Variants in RFX2 observed in about 807,000 individuals in gnomAD.
RFX2 encodes the protein DNA-binding protein RFX2.
A neutral mutation model predicts 87.8 loss-of-function variants in RFX2; 20 were observed. The observed-to-expected ratio is 0.23, with a 90% CI of 0.16 to 0.33. RFX2 has a LOEUF of 0.33. Among genes scored for constraint, RFX2 ranks in the 10% least tolerant of loss-of-function variants. The pLI, the probability that RFX2 is intolerant of heterozygous loss-of-function variation, is 1.00. For missense variants in RFX2, 767 were observed against 1,012.3 expected (o/e 0.76, Z 3.29); for synonymous variants, 397 against 431.3 (o/e 0.92, Z 0.98).
In RFX2 at chr19:6,105,554, G is replaced by C. The variant is rs760314316; in HGVS notation, c.-9+4839C>G. Among the ~76,000 whole-genome samples, 80 of 152,102 alleles carry C rather than the reference G, an allele frequency of 5.3e-4. 1 individual carries two copies. The highest frequency in any genetic ancestry group is 1.6e-4 in the Non-Finnish European group (11 of 68,008). On this transcript the variant is annotated intron_variant, in intron 1 of 17. Transcript: ENST00000303657. ...GCCATCGGAGGGTTTCGAGCTGAGG[G>C]GTATGAAGTAGAACTTAACATGACG...
chr19:6,003,461 C>G (rs1018123809), intron 13 of RFX2, among the ~76,000 whole-genome samples: 1 of 152,082 alleles, frequency 6.6e-6, no homozygotes, highest in Non-Finnish European at 1.5e-5. Flanking sequence ...GCTGCCTCCT[C>G]TCACCCAAGA....
chr19:5,994,398 G>A lies in RFX2; in HGVS notation c.*437C>T, dbSNP rs779942746. ...GGTGGCAGGTAGGAGGGGAGAGGCC[G>A]TCCCTTTCTAGTCGGGCTCTGCCAG... is the stretch of plus-strand genomic sequence containing the variant. On this transcript the variant is annotated 3_prime_UTR_variant, in exon 18 of 18. Coordinates refer to ENST00000303657, the MANE Select transcript of RFX2 (RefSeq NM_000635.4). 1.1e-4 allele frequency: 17 copies of A among 155,922 alleles called. No homozygotes were observed. Among genetic ancestry groups the A allele is most frequent in the Non-Finnish European group, 2.8e-5 (2 of 70,284 alleles). 9.7% of individuals were successfully genotyped at this position (155,922 alleles called of 1,614,324 possible).
intron 5 of RFX2, among the ~76,000 whole-genome samples, chr19:6,033,147 C>T (rs867534432): frequency 1.3e-4 from 20 of 152,256 alleles, no homozygotes; most frequent in Admixed American, 3.9e-4. Context: ...TCAGCAGGAC[C>T]GATTCTTACA....
intron 1 of RFX2, among the ~76,000 whole-genome samples, chr19:6,108,150 G>A (rs2088249691): frequency 6.6e-6 from 1 of 152,202 alleles, no homozygotes; most frequent in South Asian, 2.1e-4. Flanking sequence ...ACAGAACAGT[G>A]ATCTTTCCCA....
Position 6,110,356 on chromosome 19 carries a change from C to A in RFX2, c.-9+37G>T. On this transcript the variant is annotated intron_variant, in intron 1 of 17. Coordinates refer to ENST00000303657, the MANE Select transcript of RFX2 (RefSeq NM_000635.4). The surrounding 1 kb of genome is among the most constrained non-coding windows in gnomAD (Gnocchi z 4.3). ...GGGTCCCCGCCGCCCCCCACACTCC[C>A]CGGCCGGGCTGGGCCCGGGGCGGTC... The A allele has an allele frequency of 6.6e-6, 1 of 151,828 alleles. No homozygotes were observed. The highest frequency in any genetic ancestry group is 2.1e-4 in the South Asian group (1 of 4,858). The allele number at this position is 151,828 out of a possible 1,614,324, so 9.4% of individuals were successfully genotyped here. A position where few individuals can be genotyped will look rare whatever the true frequency, so the allele number is the denominator to read the frequency against.
chr19:6,044,356 T>C lies in RFX2; in HGVS notation c.91-74A>G, dbSNP rs1010374709. On this transcript the variant is annotated intron_variant, in intron 2 of 17. Transcript: ENST00000303657. The surrounding 1 kb of genome is among the most constrained non-coding windows in gnomAD (Gnocchi z 5.3). The stretch of plus-strand genomic sequence containing the variant: ...CTGAGGATACACACAGAATGTAAGA[T>C]GCTGTTTGTCTGTTCATGTGCTTTT... 2 of 950,132 alleles carry C rather than the reference T, an allele frequency of 2.1e-6. No individual in the cohort carries two copies. The highest frequency in any genetic ancestry group is 3.5e-5 in the African/African-American group (2 of 57,942). The allele number at this position is 950,132 out of a possible 1,614,324, so 58.9% of individuals were successfully genotyped here.
chr19:6,102,067 T>C (rs1009569176), intron 1 of RFX2, among the ~76,000 whole-genome samples: 1 of 152,238 alleles, frequency 6.6e-6, no homozygotes, highest in Non-Finnish European at 1.5e-5. Context: ...ATTCCACTTA[T>C]ATAGTGTATA....
chr19:6,073,321 A>G, intron 1 of RFX2: 1 of 1,336,174 alleles, frequency 7.5e-7, no homozygotes, highest in Non-Finnish European at 1.1e-6. Flanking sequence ...GGGAGCAACA[A>G]AAAACAAAGC....
chr19:6,008,359 C>CTTTCTT (rs1236900377), intron 9 of RFX2, 135 bp from the exon 10 acceptor site: 7 of 475,106 alleles, frequency 1.5e-5, no homozygotes, highest in Non-Finnish European at 2.6e-5. Context: ...TTTGTTTTTT[C>CTTTCTT]TTTCTTTTTC....
chr19:6,000,082 TC>T (rs1423122131), intron 15 of RFX2, among the ~76,000 whole-genome samples: 1 of 152,038 alleles, frequency 6.6e-6, no homozygotes, highest in Non-Finnish European at 1.5e-5. Context: ...CCTCCCGGAT[TC>T]AAGTGATTCT....
Position 6,064,920 on chromosome 19 carries a change from A to T in RFX2, c.-8-17416T>A, listed in dbSNP as rs2087488677. 6.6e-6 allele frequency among the ~76,000 whole-genome samples: 1 copy of T among 152,216 alleles called. No individual in the cohort carries two copies. Among genetic ancestry groups the T allele is most frequent in the Admixed American group, 6.5e-5 (1 of 15,290 alleles). On this transcript the variant is annotated intron_variant, in intron 1 of 17. Coordinates refer to ENST00000303657, the MANE Select transcript of RFX2 (RefSeq NM_000635.4). The surrounding 1 kb of genome is among the most constrained non-coding windows in gnomAD (Gnocchi z 4.8). ...AACCACAGCATGGAGAGGCCCCTTTAAAAACCACCTAACCCAGCTCTTTCA... is the reference window on the plus strand; with the variant it reads ...AACCACAGCATGGAGAGGCCCCTTTTAAAACCACCTAACCCAGCTCTTTCA...
At chr19:6,060,556 T>C (rs2087412970) in intron 1 of RFX2, among the ~76,000 whole-genome samples, 1 of 152,190 alleles carries the variant, frequency 6.6e-6, no homozygotes, top group Non-Finnish European at 1.5e-5. Context: ...AGATATGGAT[T>C]CTTTTTTATT....
At chr19:6,032,663 C>T (rs1407037353) in intron 5 of RFX2, among the ~76,000 whole-genome samples, 5 of 152,214 alleles carry the variant, frequency 3.3e-5, no homozygotes, top group Non-Finnish European at 5.9e-5. Context: ...TCTCTGTGCA[C>T]GTCCTTTGTG....
rs540243563 is a variant in RFX2, at chr19:5,995,707, G to A, written c.2014-64C>T. 50 of 1,427,196 alleles carry A rather than the reference G, an allele frequency of 3.5e-5. No individual in the cohort carries two copies. In the South Asian group the frequency reaches 3.6e-4, roughly 10 times the overall value. The allele number at this position is 1,427,196 out of a possible 1,614,324, so 88.4% of individuals were successfully genotyped here. On this transcript the variant is annotated intron_variant, in intron 16 of 17. Coordinates refer to ENST00000303657, the MANE Select transcript of RFX2 (RefSeq NM_000635.4). The stretch of plus-strand genomic sequence containing the variant: ...GGCGGCAGTTGCTGTTTGGGGGCTC[G>A]GGGGATGCCGGCCCAACCTTGCCTT...
At chr19:6,008,375 CTT>C (rs112977122) in intron 9 of RFX2, 151 bp from the exon 10 acceptor site, 8,441 of 384,504 alleles carry the variant, frequency 0.022, no homozygotes, top group South Asian at 0.032. Context: ...TTTTCTTTTT[CTT>C]TTTTTTTTTT....
At chr19:6,035,718 G>A (rs754992439) in intron 5 of RFX2, among the ~76,000 whole-genome samples, 2 of 152,142 alleles carry the variant, frequency 1.3e-5, no homozygotes, top group Non-Finnish European at 2.9e-5. Flanking sequence ...CTCTTGGAAA[G>A]TCTCGAATTT....
chr19:6,039,946 C>T lies in RFX2; in HGVS notation c.522+34G>A, dbSNP rs1326815547. The T allele has an allele frequency of 4.0e-6, 6 of 1,513,982 alleles. No homozygotes were observed. Among genetic ancestry groups the T allele is most frequent in the African/African-American group, 1.4e-5 (1 of 72,440 alleles). The allele number at this position is 1,513,982 out of a possible 1,614,324, so 93.8% of individuals were successfully genotyped here. A position where few individuals can be genotyped will look rare whatever the true frequency, so the allele number is the denominator to read the frequency against. On this transcript the variant is annotated intron_variant, in intron 5 of 17. Coordinates refer to ENST00000303657, the MANE Select transcript of RFX2 (RefSeq NM_000635.4). The surrounding 1 kb of genome is among the most constrained non-coding windows in gnomAD (Gnocchi z 5.2). The stretch of plus-strand genomic sequence containing the variant: ...GCCGCTGCTTCGAGAATACTCATGG[C>T]CTACCCTGCTGGTCCCAAGAGCCTC...
intron 1 of RFX2, among the ~76,000 whole-genome samples, chr19:6,053,652 C>T (rs1410193339): frequency 1.3e-5 from 2 of 152,086 alleles, no homozygotes; most frequent in East Asian, 3.8e-4. Context: ...CCTAAAACTG[C>T]TCTTTAAAAA....
chr19:6,097,673 C>T (rs1198205415), intron 1 of RFX2, among the ~76,000 whole-genome samples: 2 of 152,172 alleles, frequency 1.3e-5, no homozygotes, highest in East Asian at 1.9e-4. Flanking sequence ...TCAAGTAACT[C>T]GTGGGCTCAA....
Sources: allele counts gnomAD v4.1 joint callset (sites outside exome capture counted in the v4.1 genomes callset), GRCh38; gene constraint gnomAD v4.1.1; non-coding constraint Gnocchi (gnomAD v3.1); transcripts MANE v1.5; gene names NCBI Gene and HGNC (gene_info 2026-07-23, HGNC 2026-07-21).